The following SH3PXD2A variants were observed in gnomAD, a reference collection of about 807,000 sequenced individuals.
The protein encoded by SH3PXD2A is SH3 and PX domain-containing protein 2A.
Under a neutral mutation model 115.2 loss-of-function variants are expected in SH3PXD2A, and 32 were observed. The ratio of observed to expected loss-of-function variants is 0.28; its 90% CI spans 0.21 to 0.37. SH3PXD2A has a LOEUF of 0.37. Ranked by LOEUF, SH3PXD2A falls within the 10% of genes least tolerant of loss-of-function variation. SH3PXD2A has a pLI of 1.00. For synonymous variants in SH3PXD2A, 610 were observed against 629.1 expected, an observed-to-expected ratio of 0.97 and a Z score of 0.45; for missense variants, 1,328 against 1,498.7, an observed-to-expected ratio of 0.89 and a Z score of 1.88.
chr10:103,764,476 C>T (rs2038733571), intron 3 of SH3PXD2A, among the ~76,000 whole-genome samples: 1 of 151,998 alleles, frequency 6.6e-6, no homozygotes, highest in Non-Finnish European at 1.5e-5. Context: ...GCGAGTCAAC[C>T]TCACTCCTCC....
intron 1 of SH3PXD2A, among the ~76,000 whole-genome samples, chr10:103,818,727 T>C (rs578090490): frequency 6.6e-6 from 1 of 152,332 alleles, no homozygotes; most frequent in South Asian, 2.1e-4. Context: ...TCACCTTCTC[T>C]GGAAACACAT....
chr10:103,833,483 A>ATATATT (rs757074745), intron 1 of SH3PXD2A, among the ~76,000 whole-genome samples: 139 of 151,878 alleles, frequency 9.2e-4, no homozygotes, highest in Non-Finnish European at 1.8e-3. Context: ...ATTTATATCT[A>ATATATT]TATATTTATA....
At chr10:103,765,917 G>T (rs894120525) in intron 3 of SH3PXD2A, among the ~76,000 whole-genome samples, 1 of 152,172 alleles carries the variant, frequency 6.6e-6, no homozygotes, top group Non-Finnish European at 1.5e-5. Context: ...GCCAGGGGCC[G>T]AGAGTCCCTA....
Position 103,601,633 on chromosome 10 carries a change from A to T in SH3PXD2A, c.*183T>A, listed in dbSNP as rs1178984727. The T allele has an allele frequency of 3.6e-6, 2 of 559,422 alleles. No homozygotes were observed. Among genetic ancestry groups the T allele is most frequent in the African/African-American group, 1.9e-5 (1 of 53,366 alleles). The allele number at this position is 559,422 out of a possible 1,614,324, so 34.7% of individuals were successfully genotyped here. A position where few individuals can be genotyped will look rare whatever the true frequency, so the allele number is the denominator to read the frequency against. On this transcript the variant is annotated 3_prime_UTR_variant, in exon 15 of 15. Coordinates refer to ENST00000369774, the MANE Select transcript of SH3PXD2A (RefSeq NM_001394015.1). ...CTCAGTGTGGGCACCCCCATCCCCTACCTTCCAGCTGTGGGATGGCTTGGA... is the reference window on the plus strand; with the variant it reads ...CTCAGTGTGGGCACCCCCATCCCCTTCCTTCCAGCTGTGGGATGGCTTGGA...
intron 8 of SH3PXD2A, among the ~76,000 whole-genome samples, chr10:103,653,164 C>T (rs552532656): frequency 5.1e-4 from 77 of 152,310 alleles, no homozygotes; most frequent in African/African-American, 1.4e-3. Flanking sequence ...CATGTCTCTT[C>T]GCAATATTTG....
At chr10:103,794,236 G>A (rs1443082686) in intron 2 of SH3PXD2A, among the ~76,000 whole-genome samples, 1 of 152,174 alleles carries the variant, frequency 6.6e-6, no homozygotes, top group Non-Finnish European at 1.5e-5. Flanking sequence ...AGAAAAGCTT[G>A]TCAAAATAGG....
chr10:103,814,381 G>A (rs1405959812), intron 1 of SH3PXD2A, among the ~76,000 whole-genome samples: 2 of 152,136 alleles, frequency 1.3e-5, no homozygotes, highest in South Asian at 2.1e-4. Context: ...AGAGACATAC[G>A]ATAGCTGGTT....
chr10:103,769,181 T>C (rs79147273), intron 2 of SH3PXD2A, among the ~76,000 whole-genome samples: 16,526 of 112,302 alleles, frequency 0.15, 1,810 homozygotes, highest in East Asian at 0.45. Flanking sequence ...TGTGTGTGTG[T>C]GCGCGCGCGC....
Position 103,778,094 on chromosome 10 carries a change from C to G in SH3PXD2A, c.154-10925G>C, listed in dbSNP as rs2038897414. ...CCTGTAATCCCAGCACTTTGGAAAG[C>G]CGAGGCAGGAGGATCACGAGGTCAG... is the stretch of plus-strand genomic sequence containing the variant. On this transcript the variant is annotated intron_variant, in intron 2 of 14. Transcript: ENST00000369774. 2.0e-5 allele frequency among the ~76,000 whole-genome samples: 3 copies of G among 152,094 alleles called. No homozygotes were observed. In the South Asian group the frequency reaches 6.2e-4, roughly 31 times the overall value.
chr10:103,693,657 A>T (rs1033324591), intron 5 of SH3PXD2A: 1 of 152,222 alleles, frequency 6.6e-6, no homozygotes, highest in Non-Finnish European at 1.5e-5. Context: ...CCTGTCCTAG[A>T]CCCGAGACTC....
chr10:103,802,883 G>A (rs1017020070), intron 1 of SH3PXD2A, among the ~76,000 whole-genome samples: 1 of 152,164 alleles, frequency 6.6e-6, no homozygotes, highest in African/African-American at 2.4e-5. Flanking sequence ...GTCTGTAGGG[G>A]TGGGGCTGGG....
chr10:103,682,410 A>G (rs1246239622), intron 6 of SH3PXD2A, among the ~76,000 whole-genome samples: 1 of 152,200 alleles, frequency 6.6e-6, no homozygotes, highest in Non-Finnish European at 1.5e-5. Context: ...TTGAACTCCA[A>G]GGGTAAAATC....
At chr10:103,709,396 A>G (rs1039088723) in intron 5 of SH3PXD2A, among the ~76,000 whole-genome samples, 2 of 152,134 alleles carry the variant, frequency 1.3e-5, no homozygotes, top group Non-Finnish European at 2.9e-5. Flanking sequence ...TGTCTGGGGA[A>G]CTGAGCTCCA....
intron 4 of SH3PXD2A, among the ~76,000 whole-genome samples, chr10:103,725,423 G>GA (rs2038228898): frequency 6.6e-6 from 1 of 152,110 alleles, no homozygotes; most frequent in Admixed American, 6.6e-5. Context: ...AGGAGGAGTG[G>GA]GCATTCTATG....
intron 2 of SH3PXD2A, among the ~76,000 whole-genome samples, chr10:103,786,902 T>C (rs1215469026): frequency 6.6e-6 from 1 of 152,168 alleles, no homozygotes; most frequent in Non-Finnish European, 1.5e-5. Flanking sequence ...CCTAAGCTCC[T>C]TCCTTCCTTC....
chr10:103,772,973 C>T (rs1448986618), intron 2 of SH3PXD2A, among the ~76,000 whole-genome samples: 6 of 152,208 alleles, frequency 3.9e-5, no homozygotes, highest in East Asian at 1.9e-4. Context: ...CCTGTAATCC[C>T]GGCACTTTGG....
At chr10:103,728,897 G>GTTTTTTTTTTTTTTTTTTTTTTTT (rs57283527) in intron 4 of SH3PXD2A, among the ~76,000 whole-genome samples, 1 of 135,904 alleles carries the variant, frequency 7.4e-6, no homozygotes, top group Non-Finnish European at 1.6e-5. Context: ...TTGTTTGTTT[G>GTTTTTTTTTTTTTTTTTTTTTTTT]TTTTTTTTTT....
At chr10:103,623,259 G>GGAGGGGGAC (rs1402999073) in intron 9 of SH3PXD2A, among the ~76,000 whole-genome samples, 93 of 147,956 alleles carry the variant, frequency 6.3e-4, no homozygotes, top group African/African-American at 2.4e-3. Flanking sequence ...CGGGACATCT[G>GGAGGGGGAC]ATGACAGGGG....
chr10:103,735,490 T>C (rs1228698006), intron 4 of SH3PXD2A, among the ~76,000 whole-genome samples: 1 of 152,216 alleles, frequency 6.6e-6, no homozygotes, highest in Non-Finnish European at 1.5e-5. Context: ...AACTGTGTTT[T>C]GTAAACATGG....
Sources: allele counts gnomAD v4.1 joint callset (sites outside exome capture counted in the v4.1 genomes callset), GRCh38; gene constraint gnomAD v4.1.1; transcripts MANE v1.5; gene names NCBI Gene and HGNC (gene_info 2026-07-23, HGNC 2026-07-21).